RBAK: variants seen among roughly 807,000 people sequenced by gnomAD.
The protein encoded by RBAK is RB-associated KRAB zinc finger protein.
Under a neutral mutation model 65.8 loss-of-function variants are expected in RBAK, and 39 were observed. The observed-to-expected ratio is 0.59, with a 90% CI of 0.46 to 0.77. The LOEUF (loss-of-function observed/expected upper bound fraction) is 0.77, where lower values mean the gene tolerates loss of function less well. Among genes scored for constraint, RBAK ranks in the 30% least tolerant of loss-of-function variants. The pLI, the probability that RBAK is intolerant of heterozygous loss-of-function variation, is 0.00. For missense variants in RBAK, 884 were observed against 855.1 expected (o/e 1.03, Z -0.42); for synonymous variants, 343 against 289.7 (o/e 1.18, Z -1.87).
rs1002432448 is a variant in RBAK, at chr7:5,067,259, C to T, written c.*1658C>T. ...TAGAAAAGAAGTAAAACTTTAAAAA[C>T]GAAAAAGAATATAAATCTCTATTTG... On this transcript the variant is annotated 3_prime_UTR_variant, in exon 5 of 5. Transcript: ENST00000396912. 20 of 151,980 alleles carry T rather than the reference C, an allele frequency of 1.3e-4. No homozygotes were observed. The highest frequency in any genetic ancestry group is 3.4e-4 in the African/African-American group (14 of 41,394). 9.4% of individuals were successfully genotyped at this position (151,980 alleles called of 1,614,324 possible).
At chr7:5,063,300 C>T (rs1779123125) in intron 4 of RBAK, among the ~76,000 whole-genome samples, 1 of 152,212 alleles carries the variant, frequency 6.6e-6, no homozygotes, top group Non-Finnish European at 1.5e-5. Context: ...GATCTAAGTC[C>T]TCCCATCTTT....
At chr7:5,050,607 C>CA (rs1464789673) in intron 2 of RBAK, among the ~76,000 whole-genome samples, 1 of 152,014 alleles carries the variant, frequency 6.6e-6, no homozygotes, top group East Asian at 1.9e-4. Flanking sequence ...TTTTTGGAAA[C>CA]AGAGTCTCAC....
chr7:5,050,619 C>T (rs1214645151), intron 2 of RBAK, among the ~76,000 whole-genome samples: 1 of 152,106 alleles, frequency 6.6e-6, no homozygotes, highest in Non-Finnish European at 1.5e-5. Context: ...GAGTCTCACT[C>T]TGTCACCCAG....
chr7:5,062,604 G>A (rs1303558913), intron 4 of RBAK, among the ~76,000 whole-genome samples: 1 of 152,174 alleles, frequency 6.6e-6, no homozygotes, highest in Non-Finnish European at 1.5e-5. Flanking sequence ...AGGAGACAGG[G>A]TTTCGAGAGC....
At position 5,056,037 on chromosome 7, in the gene RBAK, C is replaced by T. The variant is rs923972873; in HGVS notation, c.16-1258C>T. 5.3e-5 allele frequency among the ~76,000 whole-genome samples: 8 copies of T among 151,750 alleles called. No individual in the cohort carries two copies. In the East Asian group the frequency reaches 1.6e-3, roughly 29 times the overall value. On this transcript the variant is annotated intron_variant, in intron 2 of 4. Coordinates refer to ENST00000396912, the MANE Select transcript of RBAK (RefSeq NM_021163.4). ...TTGGGCAGGGCGTGCTGGCTCAAGCCTGTAATCCCAACACTTTGGGAGGCC... is the reference window on the plus strand; with the variant it reads ...TTGGGCAGGGCGTGCTGGCTCAAGCTTGTAATCCCAACACTTTGGGAGGCC...
intron 2 of RBAK, among the ~76,000 whole-genome samples, chr7:5,053,784 T>G (rs1788165896): frequency 6.6e-6 from 1 of 152,238 alleles, no homozygotes; most frequent in Non-Finnish European, 1.5e-5. Flanking sequence ...TTTCTATCTG[T>G]AGAAGGTTAG....
At chr7:5,054,201 T>A (rs1285680490) in intron 2 of RBAK, among the ~76,000 whole-genome samples, 2 of 152,108 alleles carry the variant, frequency 1.3e-5, no homozygotes, top group East Asian at 1.9e-4. Context: ...GGTCAGGAGT[T>A]TGAGACCAGC....
Position 5,066,888 on chromosome 7 carries a change from T to C in RBAK, c.*1287T>C, listed in dbSNP as rs1178030747. 5 of 152,180 alleles carry C rather than the reference T, an allele frequency of 3.3e-5. No homozygotes were observed. The highest frequency in any genetic ancestry group is 7.4e-5 in the Non-Finnish European group (5 of 68,010). The allele number at this position is 152,180 out of a possible 1,614,324, so 9.4% of individuals were successfully genotyped here. A position where few individuals can be genotyped will look rare whatever the true frequency, so the allele number is the denominator to read the frequency against. ...GTTCTGGGAAAAGGTAAAATGGTAA[T>C]CAAATAGATTGTGTTCCAGGAATGC... On this transcript the variant is annotated 3_prime_UTR_variant, in exon 5 of 5. Transcript: ENST00000396912.
chr7:5,056,338 G>C (rs976083485), intron 2 of RBAK, among the ~76,000 whole-genome samples: 2 of 151,278 alleles, frequency 1.3e-5, no homozygotes, highest in African/African-American at 4.9e-5. Flanking sequence ...AGCTGGTCTC[G>C]AACTCCTGAG....
chr7:5,054,497 A>C (rs1788182443), intron 2 of RBAK, among the ~76,000 whole-genome samples: 1 of 150,164 alleles, frequency 6.7e-6, no homozygotes, highest in Non-Finnish European at 1.5e-5. Context: ...GTTCTTTGTT[A>C]TGTGCCATTT....
At chr7:5,055,293 T>C (rs1788204331) in intron 2 of RBAK, among the ~76,000 whole-genome samples, 1 of 151,752 alleles carries the variant, frequency 6.6e-6, no homozygotes, top group African/African-American at 2.4e-5. Flanking sequence ...TGCGTGTATA[T>C]ACACACAAAC....
chr7:5,063,722 A>G lies in RBAK; in HGVS notation c.266A>G (p.Glu89Gly). 4 of 1,611,232 alleles carry G rather than the reference A, an allele frequency of 2.5e-6. No individual in the cohort carries two copies. The South Asian group carries it at 4.4e-5, about 18-fold the overall frequency. Residue 89 changes from glutamate (E) to glycine (G), a missense_variant, in exon 5 of 5, where the codon GAG becomes GGG. Transcript: ENST00000396912. Reference protein sequence around the residue: ...PEAWRVDDLIERIQENEDKHS... With the variant: ...PEAWRVDDLIGRIQENEDKHS... The stretch of plus-strand genomic sequence containing the variant: ...GCCTGGAGAGTTGATGACCTGATAG[A>G]GAGAATCCAAGAAAACGAAGACAAA...
At chr7:5,056,348 G>A (rs932265083) in intron 2 of RBAK, among the ~76,000 whole-genome samples, 2 of 151,632 alleles carry the variant, frequency 1.3e-5, no homozygotes, top group African/African-American at 4.8e-5. Context: ...GAACTCCTGA[G>A]CTCAAACGAT....
chr7:5,053,868 G>T (rs1470808817), intron 2 of RBAK, among the ~76,000 whole-genome samples: 1 of 152,144 alleles, frequency 6.6e-6, no homozygotes, highest in Non-Finnish European at 1.5e-5. Context: ...CTCTCTCAGT[G>T]CTCTGTGTGG....
In RBAK at chr7:5,067,454, G is replaced by C. The variant is rs1779248342; in HGVS notation, c.*1853G>C. 1 of 152,104 alleles carries C rather than the reference G, an allele frequency of 6.6e-6. No individual in the cohort carries two copies. 9.4% of individuals were successfully genotyped at this position (152,104 alleles called of 1,614,324 possible). ...ATGAGTTAATATGCTTTGAAGAACTGTATCCAGAAAATAAAATTACAAAGG... is the reference window on the plus strand; with the variant it reads ...ATGAGTTAATATGCTTTGAAGAACTCTATCCAGAAAATAAAATTACAAAGG... On this transcript the variant is annotated 3_prime_UTR_variant, in exon 5 of 5. Transcript: ENST00000396912.
rs753187232 is a variant in RBAK, at chr7:5,046,384, G to A, written c.-57G>A. 5.8e-6 allele frequency: 3 copies of A among 515,978 alleles called. No homozygotes were observed. Among genetic ancestry groups the A allele is most frequent in the Non-Finnish European group, 1.2e-5 (3 of 259,328 alleles). The allele number at this position is 515,978 out of a possible 1,614,324, so 32.0% of individuals were successfully genotyped here. A position where few individuals can be genotyped will look rare whatever the true frequency, so the allele number is the denominator to read the frequency against. On this transcript the variant is annotated 5_prime_UTR_variant, in exon 1 of 5. Transcript: ENST00000396912. ...CGGGAGCCGTGGGGCAGAGGCTGCG[G>A]AGCCCCAGAAGGGTAGGTCTTGGGT...
intron 4 of RBAK, among the ~76,000 whole-genome samples, chr7:5,062,744 C>T (rs1034315342): frequency 1.3e-5 from 2 of 152,158 alleles, no homozygotes. Context: ...CTAAGGGGGC[C>T]ATCTATAGGC....
Position 5,064,641 on chromosome 7 carries a change from C to CA in RBAK, c.1186dup (p.Thr396AsnfsTer7). ...CTCTCAGTGACCATCAGAGAACTCACACGGGAGAGAAGCTTTATAAATGTA... is the reference window on the plus strand; with the variant it reads ...CTCTCAGTGACCATCAGAGAACTCACAACGGGAGAGAAGCTTTATAAATGTA... On this transcript the variant is annotated frameshift_variant, in exon 5 of 5. Transcript: ENST00000396912. LOFTEE classifies it high-confidence loss of function. This position sits in a 1 kb window ranked among gnomAD's most constrained non-coding sequence, Gnocchi z 6.3. 1 of 1,612,410 alleles carries CA rather than the reference C, an allele frequency of 6.2e-7. No individual in the cohort carries two copies. Among genetic ancestry groups the CA allele is most frequent in the Non-Finnish European group, 8.5e-7 (1 of 1,178,708 alleles).
chr7:5,061,631 C>T (rs1779073436), intron 4 of RBAK, among the ~76,000 whole-genome samples: 1 of 150,698 alleles, frequency 6.6e-6, no homozygotes, highest in Non-Finnish European at 1.5e-5. Flanking sequence ...GCCACGGTGG[C>T]TCGTGTTTGT....
Sources: allele counts gnomAD v4.1 joint callset (sites outside exome capture counted in the v4.1 genomes callset), GRCh38; gene constraint gnomAD v4.1.1; non-coding constraint Gnocchi (gnomAD v3.1); transcripts MANE v1.5; gene names NCBI Gene and HGNC (gene_info 2026-07-23, HGNC 2026-07-21).